ROR1: variants seen among roughly 807,000 people sequenced by gnomAD.
The protein encoded by ROR1 is ROR family WNT receptor 1.
In ROR1, 19 loss-of-function variants were observed where a neutral mutation model predicts 78.8. The ratio of observed to expected loss-of-function variants is 0.24; its 90% CI spans 0.17 to 0.35. The LOEUF is 0.35. Ranked by LOEUF, ROR1 falls within the 10% of genes least tolerant of loss-of-function variation. The pLI, the probability that ROR1 is intolerant of heterozygous loss-of-function variation, is 1.00. For synonymous variants in ROR1, 386 were observed against 433.6 expected, an observed-to-expected ratio of 0.89 and a Z score of 1.36; for missense variants, 917 against 1,177.8, an observed-to-expected ratio of 0.78 and a Z score of 3.24.
intron 1 of ROR1, chr1:63,843,437 G>A (rs1645061638): frequency 5.4e-6 from 4 of 741,894 alleles, no homozygotes; most frequent in Non-Finnish European, 7.4e-6. Flanking sequence ...TTGTGTCACA[G>A]AGGGTGTAGT....
intron 8 of ROR1, among the ~76,000 whole-genome samples, chr1:64,163,418 A>G (rs1350555557): frequency 6.6e-6 from 1 of 151,880 alleles, no homozygotes; most frequent in East Asian, 1.9e-4. Flanking sequence ...ACTCATCTCA[A>G]AAAAAGAAAA....
chr1:64,093,063 C>T (rs186443718), intron 4 of ROR1, among the ~76,000 whole-genome samples: 125 of 152,252 alleles, frequency 8.2e-4, no homozygotes, highest in African/African-American at 3.0e-3. Flanking sequence ...AGCCGGGAAA[C>T]CCTAAGCTGT....
chr1:64,097,311 T>A (rs931118621), intron 4 of ROR1, among the ~76,000 whole-genome samples: 7 of 152,252 alleles, frequency 4.6e-5, no homozygotes, highest in African/African-American at 1.7e-4. Flanking sequence ...CATTCTGACT[T>A]TCTGCCTCTT....
chr1:63,985,793 TA>T (rs1396657814), intron 1 of ROR1, among the ~76,000 whole-genome samples: 2 of 151,864 alleles, frequency 1.3e-5, no homozygotes, highest in Non-Finnish European at 2.9e-5. Flanking sequence ...AATGTGTGTA[TA>T]AAAAATAAAT....
At chr1:64,074,452 C>T (rs547373757) in intron 4 of ROR1, among the ~76,000 whole-genome samples, 2 of 152,148 alleles carry the variant, frequency 1.3e-5, no homozygotes, top group Admixed American at 6.5e-5. Context: ...AGAGGCTGAA[C>T]TTGAACTGAT....
rs151134163 is a variant in ROR1 at position 63,870,797 on chromosome 1, G to A, written c.91+96289G>A. 4.0e-3 allele frequency among the ~76,000 whole-genome samples: 608 copies of A among 152,284 alleles called. 2 individuals are homozygous for A. Among genetic ancestry groups the A allele is most frequent in the African/African-American group, 0.014 (582 of 41,552 alleles). On this transcript the variant is annotated intron_variant, in intron 1 of 8. Transcript: ENST00000371079. The stretch of plus-strand genomic sequence containing the variant: ...AAACCTTTCCAAGAGTCCCCAAAGT[G>A]TGTACAGTGCATATGAAATTCTCCA...
rs375409124 is a variant in ROR1, at chr1:63,874,648, CA to C, written c.91+100141del. 2.4e-3 allele frequency among the ~76,000 whole-genome samples: 370 copies of C among 152,260 alleles called. 2 individuals carry two copies. The highest frequency in any genetic ancestry group is 8.5e-3 in the African/African-American group (352 of 41,570). Reference sequence around the variant, plus strand: ...CTCCATTTGACACCTACAGGCCACTCAGTAAAAAAGCAAATGAATGATGAAT... The same window carrying C: ...CTCCATTTGACACCTACAGGCCACTCGTAAAAAAGCAAATGAATGATGAAT... On this transcript the variant is annotated intron_variant, in intron 1 of 8. Transcript: ENST00000371079.
chr1:63,789,675 T>G (rs1644713404), intron 1 of ROR1, among the ~76,000 whole-genome samples: 1 of 97,238 alleles, frequency 1.0e-5, no homozygotes, highest in Non-Finnish European at 2.1e-5. Flanking sequence ...CTTCCTCTCC[T>G]TTTTTTTTTT....
chr1:64,036,113 C>T (rs1360655029), intron 2 of ROR1, among the ~76,000 whole-genome samples: 1 of 152,134 alleles, frequency 6.6e-6, no homozygotes, highest in African/African-American at 2.4e-5. Context: ...TCACATTAGA[C>T]AGATATGGAA....
chr1:63,977,027 C>T (rs946250151), intron 1 of ROR1, among the ~76,000 whole-genome samples: 4 of 152,158 alleles, frequency 2.6e-5, no homozygotes, highest in Non-Finnish European at 4.4e-5. Flanking sequence ...CAAACATGTT[C>T]TTCTTCACAT....
chr1:63,774,583 G>C lies in ROR1; in HGVS notation c.91+75G>C. 1.2e-6 allele frequency: 1 copy of C among 820,324 alleles called. No individual in the cohort carries two copies. Among genetic ancestry groups the C allele is most frequent in the African/African-American group, 1.9e-5 (1 of 53,934 alleles). 50.8% of individuals were successfully genotyped at this position (820,324 alleles called of 1,614,324 possible). Reference sequence around the variant, plus strand: ...CCACCCTTCCGCCGTCCAGCCGGGCGCGGGACACGCAGGAAGCGCCGCGCT... The same window carrying C: ...CCACCCTTCCGCCGTCCAGCCGGGCCCGGGACACGCAGGAAGCGCCGCGCT... On this transcript the variant is annotated intron_variant, in intron 1 of 8. Transcript: ENST00000371079. This position sits in a 1 kb window ranked among gnomAD's most constrained non-coding sequence, Gnocchi z 5.7.
chr1:63,970,618 A>C (rs552255752), intron 1 of ROR1, among the ~76,000 whole-genome samples: 20 of 152,276 alleles, frequency 1.3e-4, no homozygotes, highest in African/African-American at 4.8e-4. Context: ...TATAAAAGGA[A>C]TCATACATGG....
At chr1:63,829,688 A>G (rs147196531) in intron 1 of ROR1, among the ~76,000 whole-genome samples, 1 of 152,260 alleles carries the variant, frequency 6.6e-6, no homozygotes, top group Admixed American at 6.5e-5. Flanking sequence ...AGATAAGTGG[A>G]TAGGGATGTG....
intron 1 of ROR1, among the ~76,000 whole-genome samples, chr1:63,902,146 T>G (rs1220744683): frequency 1.3e-5 from 2 of 152,208 alleles, no homozygotes; most frequent in Non-Finnish European, 2.9e-5. Flanking sequence ...GGAAAAGAGC[T>G]TATCCTTAGC....
chr1:63,899,276 C>T (rs1276646446), intron 1 of ROR1, among the ~76,000 whole-genome samples: 2 of 151,132 alleles, frequency 1.3e-5, no homozygotes, highest in Admixed American at 1.3e-4. Context: ...TAGCAGCATA[C>T]ACAGCCATGA....
intron 1 of ROR1, among the ~76,000 whole-genome samples, chr1:63,974,085 T>C (rs1363400715): frequency 1.3e-5 from 2 of 152,200 alleles, no homozygotes; most frequent in Admixed American, 1.3e-4. Context: ...AGTGAATCAA[T>C]TTAAAGGGAA....
intron 2 of ROR1, among the ~76,000 whole-genome samples, chr1:64,039,217 C>G (rs1056291397): frequency 1.3e-5 from 2 of 152,130 alleles, no homozygotes; most frequent in African/African-American, 4.8e-5. Context: ...GCTTGTGTGC[C>G]CTTTTGTGCT....
At chr1:64,105,277 A>G (rs1647750269) in intron 4 of ROR1, 1 of 152,076 alleles carries the variant, frequency 6.6e-6, no homozygotes, top group East Asian at 1.9e-4. Context: ...GTGTCTGTTC[A>G]TATTTTTCAC....
chr1:63,979,169 A>G (rs1037207400), intron 1 of ROR1, among the ~76,000 whole-genome samples: 11 of 152,168 alleles, frequency 7.2e-5, no homozygotes, highest in African/African-American at 2.4e-5. Flanking sequence ...GTTTGACCAC[A>G]TATCTGGGCC....
Sources: allele counts gnomAD v4.1 joint callset (sites outside exome capture counted in the v4.1 genomes callset), GRCh38; gene constraint gnomAD v4.1.1; non-coding constraint Gnocchi (gnomAD v3.1); transcripts MANE v1.5; gene names NCBI Gene and HGNC (gene_info 2026-07-23, HGNC 2026-07-21).